The following CLEC1A variants were observed in gnomAD, a reference collection of about 807,000 sequenced individuals.
CLEC1A encodes the protein C-type lectin-like receptor-1.
A neutral mutation model predicts 28.7 loss-of-function variants in CLEC1A; 34 were observed. The observed-to-expected ratio is 1.18, with a 90% CI of 0.90 to 1.57. CLEC1A has a LOEUF of 1.57. CLEC1A is among the 40% of genes most tolerant of loss of function. The probability of loss-of-function intolerance (pLI) is 0.00; values close to 1 mark genes in which losing one functional copy is unlikely to be tolerated. For missense variants in CLEC1A, 385 were observed against 339.5 expected (o/e 1.13, Z -1.05); for synonymous variants, 116 against 121.0 (o/e 0.96, Z 0.27).
intron 3 of CLEC1A, among the ~76,000 whole-genome samples, chr12:10,076,735 G>A (rs1866260505): frequency 6.6e-6 from 1 of 152,156 alleles, no homozygotes; most frequent in African/African-American, 2.4e-5. Flanking sequence ...ACAGAGTCCA[G>A]TTTGTGCAGA....
At position 10,069,755 on chromosome 12, in the gene CLEC1A, C is replaced by G. The variant is rs7136823; in HGVS notation, c.*1578G>C. Reference sequence around the variant, plus strand: ...TGACACAATATATCAACAGAACTTGCTCGACCCTGAAGAAAATTTTAAGGA... The same window carrying G: ...TGACACAATATATCAACAGAACTTGGTCGACCCTGAAGAAAATTTTAAGGA... On this transcript the variant is annotated 3_prime_UTR_variant, in exon 6 of 6. Transcript: ENST00000315330. 3.9e-5 allele frequency: 6 copies of G among 152,110 alleles called. No homozygotes were observed. The highest frequency in any genetic ancestry group is 8.8e-5 in the Non-Finnish European group (6 of 68,002). 9.4% of individuals were successfully genotyped at this position (152,110 alleles called of 1,614,324 possible). A position where few individuals can be genotyped will look rare whatever the true frequency, so the allele number is the denominator to read the frequency against.
At chr12:10,087,882 A>C (rs1283199346) in intron 2 of CLEC1A, among the ~76,000 whole-genome samples, 2 of 151,914 alleles carry the variant, frequency 1.3e-5, no homozygotes, top group African/African-American at 4.8e-5. Flanking sequence ...AATAAATAGA[A>C]ATGTGGAGTT....
At chr12:10,097,192 C>G (rs555131877) in intron 1 of CLEC1A, among the ~76,000 whole-genome samples, 3 of 152,120 alleles carry the variant, frequency 2.0e-5, no homozygotes, top group Non-Finnish European at 4.4e-5. Context: ...ATAGTTGTTA[C>G]GTCAATTGTT....
At chr12:10,073,537 A>C in intron 4 of CLEC1A, 126 bp from the exon 5 acceptor site, 2 of 671,972 alleles carry the variant, frequency 3.0e-6, no homozygotes, top group Non-Finnish European at 2.6e-6. Context: ...TGATGCTCAT[A>C]TGCTTAAGAG....
intron 1 of CLEC1A, among the ~76,000 whole-genome samples, chr12:10,097,990 T>G (rs1012230408): frequency 1.2e-5 from 1 of 83,010 alleles, no homozygotes; most frequent in Admixed American, 1.1e-4. Context: ...AGAAAGTGAA[T>G]GGAGGGTTTA....
intron 3 of CLEC1A, among the ~76,000 whole-genome samples, chr12:10,077,194 G>A (rs1207677280): frequency 6.6e-6 from 1 of 152,182 alleles, no homozygotes; most frequent in Non-Finnish European, 1.5e-5. Context: ...TAAAGAGACA[G>A]AGATAGAGAA....
intron 1 of CLEC1A, chr12:10,092,382 TA>T (rs1947718251): frequency 1.1e-5 from 4 of 367,104 alleles, no homozygotes; most frequent in South Asian, 7.9e-5. Flanking sequence ...CCCATCTCTA[TA>T]AAAAATTTTT....
chr12:10,093,667 T>G (rs1343186641), intron 1 of CLEC1A, among the ~76,000 whole-genome samples: 1 of 152,030 alleles, frequency 6.6e-6, no homozygotes. Context: ...ATGTGCATGT[T>G]ACAAACTAGT....
intron 1 of CLEC1A, 98 bp from the exon 2 acceptor site, chr12:10,089,320 C>T: frequency 2.1e-6 from 2 of 942,754 alleles, no homozygotes; most frequent in Non-Finnish European, 1.7e-6. Flanking sequence ...TGCACAAGAA[C>T]AAATTAGGCT....
At chr12:10,096,689 G>A (rs182570347) in intron 1 of CLEC1A, among the ~76,000 whole-genome samples, 15 of 151,946 alleles carry the variant, frequency 9.9e-5, no homozygotes, top group African/African-American at 2.9e-4. Flanking sequence ...CTACACCTAC[G>A]CCATACATAT....
chr12:10,080,788 C>T (rs1866351383), intron 3 of CLEC1A, among the ~76,000 whole-genome samples: 2 of 152,048 alleles, frequency 1.3e-5, no homozygotes, highest in Admixed American at 6.5e-5. Context: ...TTTTTGATAC[C>T]CAGCCAAGTT....
chr12:10,075,600 G>C lies in CLEC1A; in HGVS notation c.447C>G (p.Tyr149Ter), dbSNP rs776713253. Reference sequence around the variant, plus strand: ...AACTTTTGCTGTCTTTATAGAACTGGTAGCAATTGTCTCCATGCCATTTCC... The same window carrying C: ...AACTTTTGCTGTCTTTATAGAACTGCTAGCAATTGTCTCCATGCCATTTCC... ...EQWKWHGDNC[Y>*]QFYKDSKSWE... The change falls in exon 4 of 6, where the codon TAC (tyrosine) becomes TAG (stop). Residue 149 changes from tyrosine to a stop codon, truncating the protein, a stop_gained. Transcript: ENST00000315330. LOFTEE classifies it high-confidence loss of function. 1 of 1,614,024 alleles carries C rather than the reference G, an allele frequency of 6.2e-7. No homozygotes were observed. The highest frequency in any genetic ancestry group is 1.3e-5 in the African/African-American group (1 of 75,038).
chr12:10,093,456 A>T (rs1216242849), intron 1 of CLEC1A, among the ~76,000 whole-genome samples: 1 of 151,580 alleles, frequency 6.6e-6, no homozygotes, highest in Non-Finnish European at 1.5e-5. Context: ...AATTTTGGAT[A>T]CCAATTACTG....
At position 10,076,233 on chromosome 12, in the gene CLEC1A, T is replaced by A. The variant is rs190268937; in HGVS notation, c.392-578A>T. Among the ~76,000 whole-genome samples, 8 of 152,296 alleles carry A rather than the reference T, an allele frequency of 5.3e-5. No individual in the cohort carries two copies. The East Asian group carries it at 7.7e-4, about 15-fold the overall frequency. On this transcript the variant is annotated intron_variant, in intron 3 of 5. Coordinates refer to ENST00000315330, the MANE Select transcript of CLEC1A (RefSeq NM_016511.4). The stretch of plus-strand genomic sequence containing the variant: ...GATCGCAAATATAGGTGCCAAGCCC[T>A]GAGAGCTATAGTTTTAACCCTATGT...
chr12:10,093,620 G>A (rs1336663806), intron 1 of CLEC1A, among the ~76,000 whole-genome samples: 1 of 151,560 alleles, frequency 6.6e-6, no homozygotes, highest in African/African-American at 2.4e-5. Flanking sequence ...AATGCAAAAG[G>A]TCTTAAAAGC....
At chr12:10,086,971 C>T (rs571922509) in intron 2 of CLEC1A, among the ~76,000 whole-genome samples, 73 of 151,984 alleles carry the variant, frequency 4.8e-4, no homozygotes, top group African/African-American at 1.7e-3. Context: ...TTTGGAAGAC[C>T]GAGGCAGGTG....
intron 4 of CLEC1A, among the ~76,000 whole-genome samples, 190 bp from the exon 5 acceptor site, chr12:10,073,601 T>C (rs889595507): frequency 3.3e-5 from 5 of 152,234 alleles, no homozygotes; most frequent in Non-Finnish European, 7.3e-5. Flanking sequence ...TAATAACTTA[T>C]TTTGTCTTAG....
chr12:10,096,786 C>G lies in CLEC1A; in HGVS notation c.115+2022G>C, dbSNP rs1591925364. 2.6e-5 allele frequency among the ~76,000 whole-genome samples: 4 copies of G among 152,208 alleles called. No individual in the cohort carries two copies. The East Asian group carries it at 7.7e-4, about 29-fold the overall frequency. ...TCTCTCTGTCTATAGTGTCCCCAGC[C>G]TCTCAAACACCCTCACTCCCGATTC... On this transcript the variant is annotated intron_variant, in intron 1 of 5. Coordinates refer to ENST00000315330, the MANE Select transcript of CLEC1A (RefSeq NM_016511.4).
At chr12:10,077,575 C>A (rs1208285085) in intron 3 of CLEC1A, among the ~76,000 whole-genome samples, 2 of 152,076 alleles carry the variant, frequency 1.3e-5, no homozygotes, top group African/African-American at 2.4e-5. Context: ...AACATGTACA[C>A]TTTCTATGAA....
Sources: gnomAD v4.1 joint callset for allele counts (sites outside exome capture counted in the v4.1 genomes callset) on GRCh38, gnomAD v4.1.1 for gene constraint, MANE v1.5 for transcripts, NCBI Gene and HGNC (gene_info 2026-07-23, HGNC 2026-07-21) for gene names.